The following FOXJ2 variants were observed in gnomAD, a reference collection of about 807,000 sequenced individuals.
FOXJ2 encodes the protein forkhead box J2.
A neutral mutation model predicts 68.4 loss-of-function variants in FOXJ2; 18 were observed. The ratio of observed to expected loss-of-function variants is 0.26; its 90% confidence interval spans 0.18 to 0.39. The LOEUF (loss-of-function observed/expected upper bound fraction) is 0.39, where lower values mean the gene tolerates loss of function less well. FOXJ2 is among the 10% of genes least tolerant of loss of function. FOXJ2 has a pLI of 1.00. For synonymous variants in FOXJ2, 274 were observed against 263.2 expected, an observed-to-expected ratio of 1.04 and a Z score of -0.40; for missense variants, 670 against 726.5, an observed-to-expected ratio of 0.92 and a Z score of 0.89.
In FOXJ2 at chr12:8,041,326, C is replaced by T. The variant is rs771660315; in HGVS notation, c.333+1161C>T. On this transcript the variant is annotated intron_variant, in intron 2 of 10. Transcript: ENST00000162391. ...AAGCAATCCTCCTGCCTCAGCCTCC[C>T]GAGTAGCTGGGATTACAGGCGCCTG... Among the ~76,000 whole-genome samples, 17 of 151,754 alleles carry T rather than the reference C, an allele frequency of 1.1e-4. No homozygotes were observed. In the South Asian group the frequency reaches 2.9e-3, roughly 26 times the overall value.
chr12:8,053,064 G>C lies in FOXJ2; in HGVS notation c.*214G>C, dbSNP rs952341680. The C allele has an allele frequency of 4.0e-6, 1 of 250,820 alleles. No homozygotes were observed. The highest frequency in any genetic ancestry group is 2.3e-5 in the African/African-American group (1 of 44,322). The allele number at this position is 250,820 out of a possible 1,614,324, so 15.5% of individuals were successfully genotyped here. On this transcript the variant is annotated 3_prime_UTR_variant, in exon 11 of 11. Transcript: ENST00000162391. The surrounding 1 kb of genome is among the most constrained non-coding windows in gnomAD (Gnocchi z 4.1). ...CTCTCTTCCTTCCTGTTTTTTCCTA[G>C]TTCTTTTATTATTATTCTTATATTA...
chr12:8,051,635 G>T (rs944141668), intron 10 of FOXJ2, among the ~76,000 whole-genome samples: 7 of 152,116 alleles, frequency 4.6e-5, no homozygotes, highest in Middle Eastern at 3.2e-3. Context: ...AGAATCAGGG[G>T]TCTGGGACTG....
chr12:8,050,674 C>T (rs1947104929), intron 10 of FOXJ2, 54 bp downstream of exon 10: 1 of 1,598,934 alleles, frequency 6.3e-7, no homozygotes, highest in East Asian at 2.2e-5. Flanking sequence ...AGTTGCTTTG[C>T]TTTCCTTTGA....
Position 8,047,903 on chromosome 12 carries a change from A to G in FOXJ2, c.839A>G (p.Asp280Gly). The G allele has an allele frequency of 6.3e-7, 1 of 1,595,740 alleles. No individual in the cohort carries two copies. Among genetic ancestry groups the G allele is most frequent in the Non-Finnish European group, 8.6e-7 (1 of 1,167,224 alleles). The change falls in exon 7 of 11, where the codon GAC (aspartate) becomes GGC (glycine). Residue 280 changes from aspartate (D) to glycine (G), a missense_variant. Coordinates refer to ENST00000162391, the MANE Select transcript of FOXJ2 (RefSeq NM_018416.3). ...SQHGFSSLLG[D>G]IPPSNNYYMY... ...GCAGGCTTTTCTTCTCTCCTGGGGG[A>G]CATCCCACCCTCGAACAACTACTAC...
chr12:8,053,033 A>G lies in FOXJ2; in HGVS notation c.*183A>G, dbSNP rs769386315. On this transcript the variant is annotated 3_prime_UTR_variant, in exon 11 of 11. Coordinates refer to ENST00000162391, the MANE Select transcript of FOXJ2 (RefSeq NM_018416.3). This position sits in a 1 kb window ranked among gnomAD's most constrained non-coding sequence, Gnocchi z 4.1. ...AAGATAACCCTCTCTTTCCTGCCTC[A>G]TTCTTCTCTCTTCCTTCCTGTTTTT... The G allele has an allele frequency of 1.2e-5, 4 of 340,170 alleles. No homozygotes were observed. The highest frequency in any genetic ancestry group is 4.2e-5 in the African/African-American group (2 of 47,394). 21.1% of individuals were successfully genotyped at this position (340,170 alleles called of 1,614,324 possible).
chr12:8,046,874 G>A (rs1439747750), intron 6 of FOXJ2, among the ~76,000 whole-genome samples: 1 of 152,302 alleles, frequency 6.6e-6, no homozygotes, highest in Non-Finnish European at 1.5e-5. Flanking sequence ...TCCTAGAGTA[G>A]TGTCCAAGAC....
Position 8,048,199 on chromosome 12 carries a change from C to T in FOXJ2, c.1135C>T (p.Gln379Ter), listed in dbSNP as rs1165541142. Residue 379 changes from glutamine (Q) to a stop codon, truncating the protein, a stop_gained, in exon 7 of 11, where the codon CAG becomes TAG. Coordinates refer to ENST00000162391, the MANE Select transcript of FOXJ2 (RefSeq NM_018416.3). LOFTEE classifies it high-confidence loss of function. Reference sequence around the variant, plus strand: ...GCAGCATGGAGGCTACCACCCTCATCAGCACCATCCCCACTCCCACCCTGC... The same window carrying T: ...GCAGCATGGAGGCTACCACCCTCATTAGCACCATCCCCACTCCCACCCTGC... ...PLQHGGYHPH[Q>*]HHPHSHPAQQ... The T allele has an allele frequency of 1.2e-6, 2 of 1,612,860 alleles. No homozygotes were observed. The highest frequency in any genetic ancestry group is 2.7e-5 in the African/African-American group (2 of 74,932).
In FOXJ2 at chr12:8,049,398, A is replaced by C. The variant is rs1947083453; in HGVS notation, c.1364A>C (p.Asn455Thr). 6.2e-7 allele frequency: 1 copy of C among 1,613,878 alleles called. No homozygotes were observed. Among genetic ancestry groups the C allele is most frequent in the Non-Finnish European group, 8.5e-7 (1 of 1,179,988 alleles). ...AGTCTACGACAGGCAGAGCAGAAGA[A>C]CTGGACCCTCGACCAGCATCACATT... Reference protein sequence around the residue: ...MESLRQAEQKNWTLDQHHIAN... With the variant: ...MESLRQAEQKTWTLDQHHIAN... Residue 455 changes from asparagine to threonine, a missense_variant, in exon 9 of 11, where the codon AAC becomes ACC. Physicochemically the swap from Asn to Thr is moderately conservative, Grantham distance 65. Transcript: ENST00000162391.
chr12:8,047,792 T>G, intron 6 of FOXJ2, 90 bp from the exon 7 acceptor site: 1 of 1,470,768 alleles, frequency 6.8e-7, no homozygotes, highest in South Asian at 1.3e-5. Context: ...ACAGTTTTAG[T>G]CTGAGGCTTC....
chr12:8,048,880 T>A, intron 8 of FOXJ2, 82 bp downstream of exon 8: 2 of 1,071,098 alleles, frequency 1.9e-6, no homozygotes, highest in Non-Finnish European at 2.8e-6. Context: ...AGGGGGTGGT[T>A]AAATGAAGTT....
chr12:8,044,533 C>T (rs1443541598), intron 5 of FOXJ2, among the ~76,000 whole-genome samples: 1 of 151,834 alleles, frequency 6.6e-6, no homozygotes, highest in African/African-American at 2.4e-5. Flanking sequence ...CGAGACCCTG[C>T]CTCAGAAACA....
At position 8,038,117 on chromosome 12, in the gene FOXJ2, T is replaced by TCCTTCAGCCTTGTGGAG. The variant is rs1946920159; in HGVS notation, c.-14-1701_-14-1685dup. Among the ~76,000 whole-genome samples, 1 of 152,192 alleles carries TCCTTCAGCCTTGTGGAG rather than the reference T, an allele frequency of 6.6e-6. No homozygotes were observed. The highest frequency in any genetic ancestry group is 2.4e-5 in the African/African-American group (1 of 41,450). On this transcript the variant is annotated intron_variant, in intron 1 of 10. Transcript: ENST00000162391. The surrounding 1 kb of genome is among the most constrained non-coding windows in gnomAD (Gnocchi z 5.3). ...CCCGCCCCTGAGGCACTAAGGTGTT[T>TCCTTCAGCCTTGTGGAG]CCTTCAGCCTTGTGGAGTGAGTGTG... is the stretch of plus-strand genomic sequence containing the variant.
At chr12:8,051,039 C>T (rs1280619501) in intron 10 of FOXJ2, among the ~76,000 whole-genome samples, 23 of 121,852 alleles carry the variant, frequency 1.9e-4, no homozygotes, top group Non-Finnish European at 3.6e-4. Flanking sequence ...CCTTTCCTTC[C>T]CCTTCCCCTT....
At position 8,043,645 on chromosome 12, in the gene FOXJ2, T is replaced by C. The variant is rs1323157983; in HGVS notation, c.409-56T>C. 6 of 1,556,848 alleles carry C rather than the reference T, an allele frequency of 3.9e-6. No individual in the cohort carries two copies. In the African/African-American group the frequency reaches 6.8e-5, roughly 18 times the overall value. On this transcript the variant is annotated intron_variant, in intron 3 of 10. Transcript: ENST00000162391. ...TGCTCTTCATTAATACCCAGAACCC[T>C]GGGAGGTTCTGAATGTAACAATTTT...
rs1178557754 is a variant in FOXJ2, at chr12:8,040,174, G to T, written c.333+9G>T. 6.2e-7 allele frequency: 1 copy of T among 1,612,976 alleles called. No homozygotes were observed. Among genetic ancestry groups the T allele is most frequent in the Admixed American group, 1.7e-5 (1 of 60,000 alleles). On this transcript the variant is annotated intron_variant, in intron 2 of 10. Transcript: ENST00000162391. The surrounding 1 kb of genome is among the most constrained non-coding windows in gnomAD (Gnocchi z 4.0). ...CTGGCATTGGTTGGAAGGTGGGAAT[G>T]CTTCTATAATCTTGGCTTAGGTTTA...
rs1303786026 is a variant in FOXJ2 at position 8,040,832 on chromosome 12, C to T, written c.333+667C>T. Reference sequence around the variant, plus strand: ...GTGCAAGGCATGGCATCACTCCTTCCTACCTAGAGGTAGGAGTCTAATCTA... The same window carrying T: ...GTGCAAGGCATGGCATCACTCCTTCTTACCTAGAGGTAGGAGTCTAATCTA... On this transcript the variant is annotated intron_variant, in intron 2 of 10. Transcript: ENST00000162391. The surrounding 1 kb of genome is among the most constrained non-coding windows in gnomAD (Gnocchi z 4.0). Among the ~76,000 whole-genome samples the T allele has an allele frequency of 6.6e-6, 1 of 152,158 alleles. No individual in the cohort carries two copies. The highest frequency in any genetic ancestry group is 2.4e-5 in the African/African-American group (1 of 41,440).
intron 10 of FOXJ2, among the ~76,000 whole-genome samples, chr12:8,052,286 G>C (rs1372630650): frequency 6.6e-6 from 1 of 150,670 alleles, no homozygotes; most frequent in African/African-American, 2.4e-5. Flanking sequence ...GCAATGGCAC[G>C]GTCTTAGCTC....
In FOXJ2 at chr12:8,054,691, G is replaced by A. The variant is rs1384559501; in HGVS notation, c.*1841G>A. On this transcript the variant is annotated 3_prime_UTR_variant, in exon 11 of 11. Coordinates refer to ENST00000162391, the MANE Select transcript of FOXJ2 (RefSeq NM_018416.3). ...CATGATGTTGGAGGGCACTTAGTGGGGTTGAAGTATGACATAATATTTCCC... is the reference window on the plus strand; with the variant it reads ...CATGATGTTGGAGGGCACTTAGTGGAGTTGAAGTATGACATAATATTTCCC... The A allele has an allele frequency of 6.6e-6, 1 of 152,576 alleles. No homozygotes were observed. Among genetic ancestry groups the A allele is most frequent in the Non-Finnish European group, 1.5e-5 (1 of 68,042 alleles). 9.5% of individuals were successfully genotyped at this position (152,576 alleles called of 1,614,324 possible). A position where few individuals can be genotyped will look rare whatever the true frequency, so the allele number is the denominator to read the frequency against.
chr12:8,051,977 T>G (rs1947131744), intron 10 of FOXJ2, among the ~76,000 whole-genome samples: 1 of 151,476 alleles, frequency 6.6e-6, no homozygotes, highest in African/African-American at 2.4e-5. Flanking sequence ...CAAGTGATTC[T>G]CGAGCCTCAG....
Sources: allele counts gnomAD v4.1 joint callset (sites outside exome capture counted in the v4.1 genomes callset), GRCh38; gene constraint gnomAD v4.1.1; non-coding constraint Gnocchi (gnomAD v3.1); transcripts MANE v1.5; gene names NCBI Gene and HGNC (gene_info 2026-07-23, HGNC 2026-07-21).